Variants in FCHO1 observed in about 807,000 individuals in gnomAD.
The protein encoded by FCHO1 is F-BAR domain only protein 1.
FCHO1 carries 45 observed loss-of-function variants against 114.4 expected under a neutral mutation model. That is an observed-to-expected ratio of 0.39 (90% CI 0.31 to 0.50). The LOEUF (loss-of-function observed/expected upper bound fraction) is 0.50, where lower values mean the gene tolerates loss of function less well. Among genes scored for constraint, FCHO1 ranks in the 20% least tolerant of loss-of-function variants. FCHO1 has a pLI of 0.77. For synonymous variants in FCHO1, 480 were observed against 488.9 expected (o/e 0.98, Z 0.24); for missense variants, 1,042 against 1,209.6 (o/e 0.86, Z 2.06).
intron 20 of FCHO1, 117 bp from the exon 21 acceptor site, chr19:17,781,114 T>G: frequency 1.4e-6 from 1 of 699,518 alleles, no homozygotes. Flanking sequence ...TTCAGACCCA[T>G]TGGGGGTCTC....
intron 4 of FCHO1, among the ~76,000 whole-genome samples, chr19:17,762,508 A>G (rs1358628958): frequency 6.6e-6 from 1 of 152,098 alleles, no homozygotes; most frequent in Non-Finnish European, 1.5e-5. Flanking sequence ...AGACAAAGAC[A>G]CAGAACAAAT....
chr19:17,761,635 T>TATATAC (rs2086254002), intron 4 of FCHO1, among the ~76,000 whole-genome samples: 1 of 98,188 alleles, frequency 1.0e-5, no homozygotes. Context: ...TGTATATACA[T>TATATAC]ATATATATAT....
chr19:17,767,969 T>C (rs2089995585), intron 7 of FCHO1, among the ~76,000 whole-genome samples: 1 of 152,236 alleles, frequency 6.6e-6, no homozygotes, highest in Non-Finnish European at 1.5e-5. Flanking sequence ...AAGCTTATAA[T>C]TGTAGAATCA....
At position 17,784,659 on chromosome 19, in the gene FCHO1, A is replaced by G. The variant is rs1376121694; in HGVS notation, c.2227-66A>G. 1 of 1,490,284 alleles carries G rather than the reference A, an allele frequency of 6.7e-7. No homozygotes were observed. Among genetic ancestry groups the G allele is most frequent in the Non-Finnish European group, 9.3e-7 (1 of 1,070,520 alleles). 92.3% of individuals were successfully genotyped at this position (1,490,284 alleles called of 1,614,324 possible). A position where few individuals can be genotyped will look rare whatever the true frequency, so the allele number is the denominator to read the frequency against. On this transcript the variant is annotated intron_variant, in intron 25 of 28. Transcript: ENST00000596536. This position sits in a 1 kb window ranked among gnomAD's most constrained non-coding sequence, Gnocchi z 5.3. ...CATCGCAGGGTCAAGGTGGTTGAATAGCGCATGGTGTGGCAAGACAGGATG... is the reference window on the plus strand; with the variant it reads ...CATCGCAGGGTCAAGGTGGTTGAATGGCGCATGGTGTGGCAAGACAGGATG...
In FCHO1 at chr19:17,776,236, T is replaced by A. The variant is rs1224187277; in HGVS notation, c.1183-11T>A. The stretch of plus-strand genomic sequence containing the variant: ...TGCATTCGTGTGTGATGTTGCCCAC[T>A]TTGTCCACAGGGCACCATGAAACGC... On this transcript the variant is annotated splice_polypyrimidine_tract_variant and intron_variant, in intron 16 of 28. Coordinates refer to ENST00000596536, the MANE Select transcript of FCHO1 (RefSeq NM_015122.3). The surrounding 1 kb of genome is among the most constrained non-coding windows in gnomAD (Gnocchi z 4.4). The A allele has an allele frequency of 6.2e-7, 1 of 1,614,076 alleles. No homozygotes were observed. Among genetic ancestry groups the A allele is most frequent in the South Asian group, 1.1e-5 (1 of 91,074 alleles).
chr19:17,786,158 AC>A (rs936233932), intron 26 of FCHO1, among the ~76,000 whole-genome samples: 1 of 151,364 alleles, frequency 6.6e-6, no homozygotes, highest in Non-Finnish European at 1.5e-5. Context: ...ATATGGTGAA[AC>A]CCCGTCTCTA....
At chr19:17,780,687 C>T (rs73520419) in intron 20 of FCHO1, among the ~76,000 whole-genome samples, 325 of 151,348 alleles carry the variant, frequency 2.1e-3, no homozygotes, top group African/African-American at 6.8e-3. Context: ...CTGAGAAAGT[C>T]GGGTAGAGCG....
At chr19:17,769,876 C>T (rs759678060) in intron 7 of FCHO1, among the ~76,000 whole-genome samples, 6 of 151,612 alleles carry the variant, frequency 4.0e-5, no homozygotes, top group Non-Finnish European at 8.8e-5. Flanking sequence ...AAATGAAAAA[C>T]GTACAGGCCG....
At chr19:17,761,628 A>G (rs888523256) in intron 4 of FCHO1, among the ~76,000 whole-genome samples, 1 of 87,154 alleles carries the variant, frequency 1.1e-5, no homozygotes. Flanking sequence ...CTTTTCATGT[A>G]TATACATATA....
chr19:17,762,710 A>C (rs1193640860), intron 4 of FCHO1, 52 bp from the exon 5 acceptor site: 1 of 1,365,782 alleles, frequency 7.3e-7, no homozygotes, highest in Non-Finnish European at 1.0e-6. Context: ...GTTGCTAAGC[A>C]ACTATGATGT....
upstream of FCHO1, among the ~76,000 whole-genome samples, chr19:17,749,049 G>T (rs566364012): frequency 1.3e-5 from 2 of 152,282 alleles, no homozygotes; most frequent in South Asian, 4.1e-4. Context: ...GGACCAAGCT[G>T]CAATGGCTGG....
chr19:17,765,226 A>G, intron 6 of FCHO1, among the ~76,000 whole-genome samples: 1 of 152,166 alleles, frequency 6.6e-6, no homozygotes, highest in East Asian at 1.9e-4. Flanking sequence ...CAAGTGGCTC[A>G]GCCAGTGCGA....
rs1264088368 is a variant in FCHO1 at position 17,776,027 on chromosome 19, G to A, written c.1048G>A (p.Asp350Asn). Residue 350 changes from aspartate to asparagine, a missense_variant, in exon 16 of 29, where the codon GAC becomes AAC. Transcript: ENST00000596536. The surrounding 1 kb of genome is among the most constrained non-coding windows in gnomAD (Gnocchi z 4.4). ...SRFSSSDSDF[D>N]DEEPRKFYVH... is the part of the protein sequence containing the mutation. Reference sequence around the variant, plus strand: ...TTTCTCGTCCAGCGACTCCGACTTCGACGATGAAGAGCCCCGCAAGTTCTA... The same window carrying A: ...TTTCTCGTCCAGCGACTCCGACTTCAACGATGAAGAGCCCCGCAAGTTCTA... The A allele has an allele frequency of 1.2e-6, 2 of 1,609,706 alleles. No individual in the cohort carries two copies. The highest frequency in any genetic ancestry group is 8.5e-7 in the Non-Finnish European group (1 of 1,179,980).
At chr19:17,762,514 C>T (rs1599597804) in intron 4 of FCHO1, among the ~76,000 whole-genome samples, 1 of 152,186 alleles carries the variant, frequency 6.6e-6, no homozygotes, top group East Asian at 1.9e-4. Flanking sequence ...AGACACAGAA[C>T]AAATGAGATT....
At chr19:17,764,166 A>G (rs1349879436) in intron 5 of FCHO1, among the ~76,000 whole-genome samples, 1 of 151,530 alleles carries the variant, frequency 6.6e-6, no homozygotes, top group Non-Finnish European at 1.5e-5. Flanking sequence ...CAACTTCCCC[A>G]GTAGCTGGGA....
chr19:17,783,375 C>T (rs1292630888), intron 24 of FCHO1, among the ~76,000 whole-genome samples: 14 of 150,726 alleles, frequency 9.3e-5, no homozygotes, highest in African/African-American at 3.4e-4. Flanking sequence ...AAGCAATTCT[C>T]CTGCCTCAGC....
chr19:17,757,088 C>T (rs1193837189), intron 4 of FCHO1, among the ~76,000 whole-genome samples: 1 of 150,450 alleles, frequency 6.6e-6, no homozygotes, highest in Non-Finnish European at 1.5e-5. Context: ...ACTCGAGAGG[C>T]TAAGGCAGGA....
At position 17,778,391 on chromosome 19, in the gene FCHO1, A is replaced by G. The variant is rs1462514203; in HGVS notation, c.1351+163A>G. 6.7e-6 allele frequency: 5 copies of G among 750,606 alleles called. No homozygotes were observed. In the East Asian group the frequency reaches 8.0e-5, roughly 12 times the overall value. The allele number at this position is 750,606 out of a possible 1,614,324, so 46.5% of individuals were successfully genotyped here. ...AGAGTGCGCGTGGGAGGGGCCATAG[A>G]TAGGGTGGGGCCTTGGCCAGTGGGC... On this transcript the variant is annotated intron_variant, in intron 19 of 28. Coordinates refer to ENST00000596536, the MANE Select transcript of FCHO1 (RefSeq NM_015122.3).
intron 20 of FCHO1, among the ~76,000 whole-genome samples, chr19:17,780,009 C>T (rs928932390): frequency 2.0e-5 from 3 of 151,586 alleles, no homozygotes; most frequent in African/African-American, 7.3e-5. Flanking sequence ...TGGGAAGCCC[C>T]CGAGTCAGAG....
Sources: gnomAD v4.1 joint callset for allele counts (sites outside exome capture counted in the v4.1 genomes callset) on GRCh38, gnomAD v4.1.1 for gene constraint, Gnocchi (gnomAD v3.1) non-coding constraint, MANE v1.5 for transcripts, NCBI Gene and HGNC (gene_info 2026-07-23, HGNC 2026-07-21) for gene names.